The following MIB1 variants were observed in gnomAD, a reference collection of about 807,000 sequenced individuals.
MIB1 encodes E3 ubiquitin-protein ligase MIB1.
In MIB1, 278 loss-of-function variants were observed where a neutral mutation model predicts 124.5. The ratio of observed to expected loss-of-function variants is 2.23; its 90% CI spans 2.02 to 2.47. The LOEUF (loss-of-function observed/expected upper bound fraction) is 2.47. MIB1 is among the 30% of genes most tolerant of loss of function. MIB1 has a pLI of 0.00. For missense variants in MIB1, 957 were observed against 1,254.4 expected, an observed-to-expected ratio of 0.76 and a Z score of 3.58; for synonymous variants, 446 against 429.4, an observed-to-expected ratio of 1.04 and a Z score of -0.48.
intron 1 of MIB1, among the ~76,000 whole-genome samples, chr18:21,720,129 A>G (rs1459404202): frequency 1.3e-5 from 2 of 152,236 alleles, no homozygotes; most frequent in Non-Finnish European, 2.9e-5. Context: ...ATCATACCTC[A>G]GGATAACCAA....
chr18:21,725,937 A>C (rs1418065024), intron 1 of MIB1, among the ~76,000 whole-genome samples: 1 of 152,232 alleles, frequency 6.6e-6, no homozygotes, highest in South Asian at 2.1e-4. Flanking sequence ...TTAAAAGAGA[A>C]ATATTTTTGG....
At chr18:21,864,241 G>A (rs2042302277) in intron 20 of MIB1, among the ~76,000 whole-genome samples, 1 of 152,174 alleles carries the variant, frequency 6.6e-6, no homozygotes, top group African/African-American at 2.4e-5. Flanking sequence ...CTCTTGAGTA[G>A]CTGGGATTAC....
At chr18:21,861,510 T>A (rs2042275975) in intron 20 of MIB1, among the ~76,000 whole-genome samples, 1 of 151,950 alleles carries the variant, frequency 6.6e-6, no homozygotes. Context: ...ATATCCAAAG[T>A]TTAGCATTCT....
intron 10 of MIB1, among the ~76,000 whole-genome samples, chr18:21,809,290 A>G (rs1449713463): frequency 6.6e-6 from 1 of 152,158 alleles, no homozygotes; most frequent in Admixed American, 6.6e-5. Flanking sequence ...TAACAAGGAA[A>G]AGCCTTGGAC....
chr18:21,723,281 T>C (rs2040723192), intron 1 of MIB1, among the ~76,000 whole-genome samples: 1 of 152,148 alleles, frequency 6.6e-6, no homozygotes, highest in South Asian at 2.1e-4. Context: ...TCTGATACTT[T>C]GTGGAGGCTG....
intron 1 of MIB1, among the ~76,000 whole-genome samples, chr18:21,724,712 CAAAA>C (rs1193584277): frequency 0.021 from 439 of 20,610 alleles, 16 homozygotes; most frequent in Middle Eastern, 0.062. Flanking sequence ...CTCCCCCATC[CAAAA>C]AAAAAAAAAA....
At chr18:21,823,750 T>C (rs1256004659) in intron 12 of MIB1, among the ~76,000 whole-genome samples, 2 of 152,082 alleles carry the variant, frequency 1.3e-5, no homozygotes, top group African/African-American at 4.8e-5. Context: ...CATGTTTTAA[T>C]ACAGTTTTGT....
At chr18:21,771,981 CAA>C (rs1254911834) in intron 3 of MIB1, among the ~76,000 whole-genome samples, 2 of 149,902 alleles carry the variant, frequency 1.3e-5, no homozygotes, top group African/African-American at 2.5e-5. Flanking sequence ...GCCTGGGTGA[CAA>C]GAGCAAAAAA....
intron 7 of MIB1, among the ~76,000 whole-genome samples, chr18:21,795,682 G>A: frequency 6.6e-6 from 1 of 151,984 alleles, no homozygotes; most frequent in East Asian, 1.9e-4. Flanking sequence ...GAAACTAAGT[G>A]TGTTTCTGTT....
At chr18:21,718,729 G>A (rs1411934151) in intron 1 of MIB1, among the ~76,000 whole-genome samples, 1 of 152,190 alleles carries the variant, frequency 6.6e-6, no homozygotes, top group Admixed American at 6.5e-5. Context: ...GGCAAGACAG[G>A]TTCAAGTTCA....
At chr18:21,814,046 G>A (rs1278331184) in intron 10 of MIB1, among the ~76,000 whole-genome samples, 1 of 152,076 alleles carries the variant, frequency 6.6e-6, no homozygotes, top group Non-Finnish European at 1.5e-5. Context: ...CCTTCATGGC[G>A]CAGTGCAGGC....
intron 12 of MIB1, among the ~76,000 whole-genome samples, chr18:21,822,009 C>T (rs1239051984): frequency 3.9e-5 from 6 of 152,184 alleles, no homozygotes. Context: ...TTCATCTGTT[C>T]ATCCTACATA....
At chr18:21,791,802 T>C (rs1035657659) in intron 7 of MIB1, among the ~76,000 whole-genome samples, 9 of 152,160 alleles carry the variant, frequency 5.9e-5, no homozygotes, top group African/African-American at 1.9e-4. Flanking sequence ...GAGAATGTTG[T>C]GTGGTGCAAG....
At chr18:21,711,883 G>A (rs1284587660) in intron 1 of MIB1, 1 of 150,636 alleles carries the variant, frequency 6.6e-6, no homozygotes. Flanking sequence ...TTATAGAGAC[G>A]GGGTCTTTCT....
intron 10 of MIB1, among the ~76,000 whole-genome samples, chr18:21,804,942 T>C (rs1309649516): frequency 6.6e-6 from 1 of 152,158 alleles, no homozygotes; most frequent in Non-Finnish European, 1.5e-5. Flanking sequence ...GAGCCTGTGG[T>C]TTTTAAGGGT....
chr18:21,799,809 CTA>C, intron 8 of MIB1, 30 bp from the exon 9 acceptor site: 1 of 1,590,114 alleles, frequency 6.3e-7, no homozygotes, highest in Non-Finnish European at 8.6e-7. Context: ...TGAGATCCTC[CTA>C]TATTAGCAGC....
At chr18:21,844,680 C>T (rs902468048) in intron 15 of MIB1, among the ~76,000 whole-genome samples, 2 of 152,204 alleles carry the variant, frequency 1.3e-5, no homozygotes, top group Non-Finnish European at 2.9e-5. Context: ...CCACCCGCCT[C>T]GGTCTCCCAC....
chr18:21,806,249 G>C (rs1395927040), intron 10 of MIB1, among the ~76,000 whole-genome samples: 2 of 150,722 alleles, frequency 1.3e-5, no homozygotes, highest in African/African-American at 4.9e-5. Context: ...TGCCCTGACT[G>C]GAGTGCAGTG....
intron 10 of MIB1, among the ~76,000 whole-genome samples, chr18:21,806,408 C>T (rs1040185887): frequency 2.6e-5 from 4 of 151,936 alleles, no homozygotes; most frequent in Non-Finnish European, 5.9e-5. Flanking sequence ...CACTATGTTG[C>T]CCAGTTTGGT....
Sources: gnomAD v4.1 joint callset for allele counts (sites outside exome capture counted in the v4.1 genomes callset) on GRCh38, gnomAD v4.1.1 for gene constraint, MANE v1.5 for transcripts, NCBI Gene and HGNC (gene_info 2026-07-23, HGNC 2026-07-21) for gene names.